DGKE: variants seen among roughly 807,000 people sequenced by gnomAD.
The protein encoded by DGKE is DAG kinase epsilon.
DGKE carries 53 observed loss-of-function variants against 70.0 expected under a neutral mutation model. The ratio of observed to expected loss-of-function variants is 0.76; its 90% CI spans 0.61 to 0.95. The LOEUF (loss-of-function observed/expected upper bound fraction) is 0.95. Among genes scored for constraint, DGKE ranks in the 40% least tolerant of loss-of-function variants. The pLI is 0.00. For synonymous variants in DGKE, 291 were observed against 257.0 expected (o/e 1.13, Z -1.27); for missense variants, 655 against 706.9 (o/e 0.93, Z 0.83).
At chr17:56,848,197 A>G (rs971489074) in intron 5 of DGKE, 132 bp downstream of exon 5, 1 of 540,698 alleles carries the variant, frequency 1.8e-6, no homozygotes, top group Non-Finnish European at 2.6e-6. Context: ...TCGCACTGTC[A>G]CCCAGGCTGG....
chr17:56,860,795 A>G (rs1249746004), intron 9 of DGKE, among the ~76,000 whole-genome samples: 1 of 151,958 alleles, frequency 6.6e-6, no homozygotes, highest in African/African-American at 2.4e-5. Flanking sequence ...AGAGGCATAC[A>G]TGGCATATTT....
intron 2 of DGKE, among the ~76,000 whole-genome samples, chr17:56,838,328 A>T (rs191320431): frequency 7.9e-5 from 12 of 152,342 alleles, no homozygotes; most frequent in African/African-American, 2.9e-4. Flanking sequence ...AAACAGTGAA[A>T]GATACCAAAT....
At chr17:56,840,032 C>A (rs529147580) in intron 2 of DGKE, among the ~76,000 whole-genome samples, 1 of 152,126 alleles carries the variant, frequency 6.6e-6, no homozygotes, top group South Asian at 2.1e-4. Context: ...AGTGTGGTGG[C>A]GCATGCCTGT....
At position 56,845,671 on chromosome 17, in the gene DGKE, T is replaced by A; in HGVS notation, c.625-19T>A. ...TCTTTAAGATACTAAACCTTTTCACTCATGGCAATTTTTTTTAGCTAGCCT... is the reference window on the plus strand; with the variant it reads ...TCTTTAAGATACTAAACCTTTTCACACATGGCAATTTTTTTTAGCTAGCCT... On this transcript the variant is annotated intron_variant, in intron 3 of 11. Coordinates refer to ENST00000284061, the MANE Select transcript of DGKE (RefSeq NM_003647.3). The A allele has an allele frequency of 6.2e-7, 1 of 1,601,222 alleles. No homozygotes were observed. Among genetic ancestry groups the A allele is most frequent in the Non-Finnish European group, 8.5e-7 (1 of 1,175,560 alleles).
At chr17:56,848,462 A>G (rs1272779994) in intron 5 of DGKE, among the ~76,000 whole-genome samples, 1 of 152,118 alleles carries the variant, frequency 6.6e-6, no homozygotes, top group Non-Finnish European at 1.5e-5. Flanking sequence ...CCAACCTAAT[A>G]TAGAATATTT....
rs368992473 is a variant in DGKE at position 56,843,797 on chromosome 17, C to CA, written c.465-205dup. ...TGGTGGACAGAGTGAGACCCTGTCT[C>CA]AAAAAAAAAAAAAAAAAGTGCTGTT... On this transcript the variant is annotated intron_variant, in intron 2 of 11. Transcript: ENST00000284061. 0.026 allele frequency among the ~76,000 whole-genome samples: 2,863 copies of CA among 109,366 alleles called. 189 individuals carry two copies. The highest frequency in any genetic ancestry group is 0.091 in the African/African-American group (2,654 of 29,030). The allele number at this position is 109,366 out of a possible 152,430, so 71.7% of individuals were successfully genotyped here.
At chr17:56,837,941 T>G (rs528488800) in intron 2 of DGKE, among the ~76,000 whole-genome samples, 34 of 152,298 alleles carry the variant, frequency 2.2e-4, no homozygotes, top group African/African-American at 7.5e-4. Flanking sequence ...GTCTGTAGAT[T>G]TTTTCTTTTT....
chr17:56,854,369 C>T (rs535223922), intron 7 of DGKE, among the ~76,000 whole-genome samples: 16 of 151,938 alleles, frequency 1.1e-4, no homozygotes, highest in African/African-American at 3.6e-4. Context: ...CATGCAGTGG[C>T]GTGATCACGG....
Position 56,849,147 on chromosome 17 carries a change from A to C in DGKE, c.1047-34A>C, listed in dbSNP as rs1244642102. 2.5e-6 allele frequency: 4 copies of C among 1,586,972 alleles called. No homozygotes were observed. The East Asian group carries it at 8.9e-5, about 35-fold the overall frequency. On this transcript the variant is annotated intron_variant, in intron 6 of 11. Transcript: ENST00000284061. ...CATCCAGAGTATGGGGTTTATTGTA[A>C]AACGTGCTGTTTTTTTTAACTTCTG...
At chr17:56,848,922 T>C in intron 6 of DGKE, 69 bp downstream of exon 6, 6 of 1,593,100 alleles carry the variant, frequency 3.8e-6, no homozygotes, top group Non-Finnish European at 4.3e-6. Flanking sequence ...AGTGAAGACT[T>C]GTGTAGATGA....
intron 4 of DGKE, 45 bp from the exon 5 acceptor site, chr17:56,847,877 G>A (rs1410883568): frequency 7.0e-7 from 1 of 1,419,786 alleles, no homozygotes; most frequent in East Asian, 2.5e-5. Flanking sequence ...ACAGATGAAG[G>A]AAAATGTTGG....
chr17:56,843,005 C>T (rs559626164), intron 2 of DGKE, among the ~76,000 whole-genome samples: 3 of 152,302 alleles, frequency 2.0e-5, no homozygotes, highest in East Asian at 1.9e-4. Flanking sequence ...AAGAAATGCA[C>T]GGTTGTACTT....
At chr17:56,855,910 G>T (rs1255449356) in intron 7 of DGKE, among the ~76,000 whole-genome samples, 1 of 151,366 alleles carries the variant, frequency 6.6e-6, no homozygotes, top group Non-Finnish European at 1.5e-5. Context: ...GGAGGCTGAG[G>T]CAGGAGAATT....
chr17:56,835,295 C>T (rs2144183490), intron 2 of DGKE, 36 bp downstream of exon 2: 4 of 1,564,118 alleles, frequency 2.6e-6, no homozygotes, highest in Non-Finnish European at 2.6e-6. Context: ...TCCCAGAATG[C>T]GCCGTGGGAA....
chr17:56,840,430 C>T (rs575829673), intron 2 of DGKE, among the ~76,000 whole-genome samples: 1 of 152,204 alleles, frequency 6.6e-6, no homozygotes, highest in South Asian at 2.1e-4. Flanking sequence ...GGTTGCAGTG[C>T]AGTGACATGA....
intron 2 of DGKE, among the ~76,000 whole-genome samples, chr17:56,843,796 T>TTAAAA (rs1598024317): frequency 4.7e-5 from 1 of 21,322 alleles, no homozygotes; most frequent in South Asian, 9.0e-4. Context: ...AGACCCTGTC[T>TTAAAA]CAAAAAAAAA....
chr17:56,853,134 T>A (rs1053335754), intron 7 of DGKE, among the ~76,000 whole-genome samples: 1 of 152,238 alleles, frequency 6.6e-6, no homozygotes, highest in Admixed American at 6.5e-5. Flanking sequence ...GCCCATTTTT[T>A]AATAAGATTA....
Position 56,867,994 on chromosome 17 carries a change from A to G in DGKE, c.*5203A>G, listed in dbSNP as rs1908603241. 1 of 152,264 alleles carries G rather than the reference A, an allele frequency of 6.6e-6. No homozygotes were observed. The allele number at this position is 152,264 out of a possible 1,614,324, so 9.4% of individuals were successfully genotyped here. On this transcript the variant is annotated 3_prime_UTR_variant, in exon 12 of 12. Transcript: ENST00000284061. ...CTTCAGTCTCTCTAAGGATGCCCTG[A>G]GCTACCTCACTGTTAAAGGACGACA...
chr17:56,844,926 A>G (rs1436537447), intron 3 of DGKE, among the ~76,000 whole-genome samples: 2 of 152,186 alleles, frequency 1.3e-5, no homozygotes, highest in Non-Finnish European at 2.9e-5. Context: ...TACCTTTTTC[A>G]AATTAAGATT....
Sources: gnomAD v4.1 joint callset for allele counts (sites outside exome capture counted in the v4.1 genomes callset) on GRCh38, gnomAD v4.1.1 for gene constraint, MANE v1.5 for transcripts, NCBI Gene and HGNC (gene_info 2026-07-23, HGNC 2026-07-21) for gene names.